Variants in CD101 observed in about 807,000 individuals in gnomAD.
CD101 encodes the protein CD101 molecule.
A neutral mutation model predicts 98.2 loss-of-function variants in CD101; 76 were observed. The observed-to-expected ratio is 0.77, with a 90% CI of 0.64 to 0.94. The LOEUF (loss-of-function observed/expected upper bound fraction) is 0.94. Among genes scored for constraint, CD101 ranks in the 40% least tolerant of loss-of-function variants. The pLI is 0.00. For synonymous variants in CD101, 471 were observed against 472.7 expected (o/e 1.00, Z 0.05); for missense variants, 1,145 against 1,218.8 (o/e 0.94, Z 0.90).
chr1:117,011,834 G>C lies in CD101; in HGVS notation c.709G>C (p.Glu237Gln), dbSNP rs968435234. 6.2e-7 allele frequency: 1 copy of C among 1,614,138 alleles called. No homozygotes were observed. Among genetic ancestry groups the C allele is most frequent in the Non-Finnish European group, 8.5e-7 (1 of 1,180,030 alleles). The change falls in exon 3 of 10, where the codon GAG (glutamate) becomes CAG (glutamine). Residue 237 changes from glutamate to glutamine, a missense_variant. Transcript: ENST00000682167. The stretch of plus-strand genomic sequence containing the variant: ...ACCCACTACATTCAGGCTGTCCATA[G>C]AGAGGCTCCAGTCCTCAGATCAGGG... ...LGPTTFRLSIERLQSSDQGQL... is the reference protein window; with the variant it reads ...LGPTTFRLSIQRLQSSDQGQL...
chr1:117,013,422 C>A lies in CD101; in HGVS notation c.858C>A (p.Val286=). 1 of 1,605,556 alleles carries A rather than the reference C, an allele frequency of 6.2e-7. No homozygotes were observed. Among genetic ancestry groups the A allele is most frequent in the South Asian group, 1.1e-5 (1 of 90,388 alleles). ...GTTTCCCAGTGAAAGATTTTCAAGT[C>A]AACATTACAGCTGACAGCTTGTTTG... ...RIQPAVKDFQ[V]NITADSLFAE... is the part of the protein sequence containing the mutation. The change falls in exon 4 of 10, where the codon GTC becomes GTA. Residue 286 remains valine (V), a synonymous_variant. Coordinates refer to ENST00000682167, the MANE Select transcript of CD101 (RefSeq NM_001256106.3).
rs1652976246 is a variant in CD101, at chr1:117,012,943, T to C, written c.842-463T>C. 6.6e-6 allele frequency among the ~76,000 whole-genome samples: 1 copy of C among 152,212 alleles called. No individual in the cohort carries two copies. The highest frequency in any genetic ancestry group is 6.5e-5 in the Admixed American group (1 of 15,276). On this transcript the variant is annotated intron_variant, in intron 3 of 9. Coordinates refer to ENST00000682167, the MANE Select transcript of CD101 (RefSeq NM_001256106.3). This position sits in a 1 kb window ranked among gnomAD's most constrained non-coding sequence, Gnocchi z 4.0. ...GTCCTGTTGGCCTCAAGTATCCAAG[T>C]TATACTCATGAGTCCTATGGAGCGA...
In CD101 at chr1:117,025,888, C is replaced by A. The variant is rs138020050; in HGVS notation, c.2808C>A (p.Leu936=). 8.1e-4 allele frequency: 1,305 copies of A among 1,609,742 alleles called. 9 individuals are homozygous for A. Among genetic ancestry groups the A allele is most frequent in the South Asian group, 6.5e-3 (589 of 90,814 alleles). ...QASDESQRMV[L]TVLPSEPTLP... ...CCGATGAGTCACAGCGGATGGTGCTCACGGTGCTGCCTTCAGGTAACCAGG... is the reference window on the plus strand; with the variant it reads ...CCGATGAGTCACAGCGGATGGTGCTAACGGTGCTGCCTTCAGGTAACCAGG... The change falls in exon 8 of 10, where the codon CTC becomes CTA. Residue 936 remains leucine (L), a synonymous_variant. Coordinates refer to ENST00000682167, the MANE Select transcript of CD101 (RefSeq NM_001256106.3).
At chr1:117,003,818 G>A (rs1652381277) in intron 1 of CD101, among the ~76,000 whole-genome samples, 2 of 152,172 alleles carry the variant, frequency 1.3e-5, no homozygotes, top group Admixed American at 1.3e-4. Flanking sequence ...TTGTGTAGAA[G>A]CACAGTTTTT....
rs1469988502 is a variant in CD101, at chr1:117,022,735, A to AG, written c.2428+752_2428+753insG. ...ATTTTCAAGGTAACGCTAAAAAAAAATTAGATGATAATTGAGCATTACTAT... is the reference window on the plus strand; with the variant it reads ...ATTTTCAAGGTAACGCTAAAAAAAAAGTTAGATGATAATTGAGCATTACTAT... On this transcript the variant is annotated intron_variant, in intron 7 of 9. Coordinates refer to ENST00000682167, the MANE Select transcript of CD101 (RefSeq NM_001256106.3). The surrounding 1 kb of genome is among the most constrained non-coding windows in gnomAD (Gnocchi z 4.8). 6.6e-6 allele frequency among the ~76,000 whole-genome samples: 1 copy of AG among 152,236 alleles called. No individual in the cohort carries two copies. Among genetic ancestry groups the AG allele is most frequent in the Admixed American group, 6.5e-5 (1 of 15,284 alleles).
chr1:117,006,210 C>G lies in CD101; in HGVS notation c.44-3640C>G, dbSNP rs1652519036. ...TCTCGCCATTTAACCCTGCTACTCC[C>G]AAGCATCCAACGCACTGAAAACTAC... On this transcript the variant is annotated intron_variant, in intron 1 of 9. Transcript: ENST00000682167. This position sits in a 1 kb window ranked among gnomAD's most constrained non-coding sequence, Gnocchi z 4.4. Among the ~76,000 whole-genome samples the G allele has an allele frequency of 6.6e-6, 1 of 152,110 alleles. No homozygotes were observed. The highest frequency in any genetic ancestry group is 1.5e-5 in the Non-Finnish European group (1 of 68,026).
chr1:117,009,273 A>G (rs1311213017), intron 1 of CD101, among the ~76,000 whole-genome samples: 1 of 152,232 alleles, frequency 6.6e-6, no homozygotes, highest in Non-Finnish European at 1.5e-5. Context: ...CAAAACCAAA[A>G]AAACCTCCAC....
chr1:117,010,313 C>T lies in CD101; in HGVS notation c.424+83C>T, dbSNP rs1652813836. 2 of 1,422,478 alleles carry T rather than the reference C, an allele frequency of 1.4e-6. No homozygotes were observed. Among genetic ancestry groups the T allele is most frequent in the Non-Finnish European group, 1.9e-6 (2 of 1,048,596 alleles). The allele number at this position is 1,422,478 out of a possible 1,614,324, so 88.1% of individuals were successfully genotyped here. The stretch of plus-strand genomic sequence containing the variant: ...GACAATATCTTGCAATATGACATGG[C>T]TTTATATTGTTCCATTTTCTTTGGG... On this transcript the variant is annotated intron_variant, in intron 2 of 9. Transcript: ENST00000682167. The surrounding 1 kb of genome is among the most constrained non-coding windows in gnomAD (Gnocchi z 5.2).
At position 117,005,591 on chromosome 1, in the gene CD101, A is replaced by G. The variant is rs1426187057; in HGVS notation, c.43+3731A>G. Reference sequence around the variant, plus strand: ...CCCTCCATCTAACTCTTCCCTCTGTAAGTTTTGTTCCTTATCCCATCCCCT... The same window carrying G: ...CCCTCCATCTAACTCTTCCCTCTGTGAGTTTTGTTCCTTATCCCATCCCCT... On this transcript the variant is annotated intron_variant, in intron 1 of 9. Transcript: ENST00000682167. This position sits in a 1 kb window ranked among gnomAD's most constrained non-coding sequence, Gnocchi z 4.4. Among the ~76,000 whole-genome samples the G allele has an allele frequency of 6.6e-6, 1 of 152,010 alleles. No individual in the cohort carries two copies. Among genetic ancestry groups the G allele is most frequent in the Non-Finnish European group, 1.5e-5 (1 of 68,012 alleles).
intron 4 of CD101, among the ~76,000 whole-genome samples, chr1:117,014,909 G>T (rs888771194): frequency 6.6e-6 from 1 of 152,178 alleles, no homozygotes; most frequent in African/African-American, 2.4e-5. Context: ...TAGAATTAAG[G>T]AAAAACAATA....
At chr1:117,034,267 C>T in intron 9 of CD101, 133 bp downstream of exon 9, 1 of 757,892 alleles carries the variant, frequency 1.3e-6, no homozygotes. Flanking sequence ...GTTCTACGCA[C>T]TGTTAGGTGT....
At chr1:117,009,745 G>T (rs772967432) in intron 1 of CD101, 105 bp from the exon 2 acceptor site, 1 of 1,219,930 alleles carries the variant, frequency 8.2e-7, no homozygotes, top group Non-Finnish European at 1.1e-6. Context: ...AATAACTTGC[G>T]ATCTCATTTA....
chr1:117,007,412 A>G (rs1489101601), intron 1 of CD101, among the ~76,000 whole-genome samples: 4 of 151,846 alleles, frequency 2.6e-5, no homozygotes, highest in East Asian at 1.9e-4. Context: ...CAGTGACGCA[A>G]TCTCGGCTCA....
In CD101 at chr1:117,018,264, C is replaced by T; in HGVS notation, c.1721C>T (p.Pro574Leu). ...GCCGGTTACTCTGACCTCAAGGTGC[C>T]ACTCACTGTGACGTGGCAGTTCCAG... Reference protein sequence around the residue: ...VRAGYSDLKVPLTVTWQFQPA... With the variant: ...VRAGYSDLKVLLTVTWQFQPA... Residue 574 changes from proline to leucine, a missense_variant, in exon 6 of 10, where the codon CCA becomes CTA. Transcript: ENST00000682167. The surrounding 1 kb of genome is among the most constrained non-coding windows in gnomAD (Gnocchi z 4.3). The T allele has an allele frequency of 6.2e-7, 1 of 1,614,196 alleles. No individual in the cohort carries two copies. Among genetic ancestry groups the T allele is most frequent in the South Asian group, 1.1e-5 (1 of 91,080 alleles).
In CD101 at chr1:117,001,828, T is replaced by C; in HGVS notation, c.11T>C (p.Ile4Thr). The change falls in exon 1 of 10, where the codon ATC becomes ACC. Residue 4 changes from isoleucine (I) to threonine (T), a missense_variant. Transcript: ENST00000682167. MAG[I>T]SYVASFFLLL... is the part of the protein sequence containing the mutation. ...ACTGTGCTGGCCCAAATGGCAGGCA[T>C]CTCATATGTGGCATCTTTCTTTCTC... 6.2e-7 allele frequency: 1 copy of C among 1,614,166 alleles called. No homozygotes were observed. Among genetic ancestry groups the C allele is most frequent in the Non-Finnish European group, 8.5e-7 (1 of 1,179,986 alleles).
In CD101 at chr1:117,006,025, T is replaced by C. The variant is rs1652506167; in HGVS notation, c.44-3825T>C. The stretch of plus-strand genomic sequence containing the variant: ...TATCCTTCCTGTCTATTCCATGGTC[T>C]TCAAATTTAGTATTTCTAAAATTAA... On this transcript the variant is annotated intron_variant, in intron 1 of 9. Coordinates refer to ENST00000682167, the MANE Select transcript of CD101 (RefSeq NM_001256106.3). This position sits in a 1 kb window ranked among gnomAD's most constrained non-coding sequence, Gnocchi z 4.4. 6.6e-6 allele frequency among the ~76,000 whole-genome samples: 1 copy of C among 152,318 alleles called. No individual in the cohort carries two copies.
intron 4 of CD101, among the ~76,000 whole-genome samples, chr1:117,016,400 G>T (rs948043457): frequency 6.6e-6 from 1 of 151,734 alleles, no homozygotes; most frequent in Non-Finnish European, 1.5e-5. Flanking sequence ...CTGAAGGTCC[G>T]AATTCTAAAA....
Position 117,012,727 on chromosome 1 carries a change from C to CT in CD101, c.842-675dup, listed in dbSNP as rs1365055639. On this transcript the variant is annotated intron_variant, in intron 3 of 9. Coordinates refer to ENST00000682167, the MANE Select transcript of CD101 (RefSeq NM_001256106.3). This position sits in a 1 kb window ranked among gnomAD's most constrained non-coding sequence, Gnocchi z 4.0. ...CCAGCCTGCTGTTACTTTTCATAATCTTTTGGCATTTTTGTCAAAGCAAGT... is the reference window on the plus strand; with the variant it reads ...CCAGCCTGCTGTTACTTTTCATAATCTTTTTGGCATTTTTGTCAAAGCAAGT... Among the ~76,000 whole-genome samples the CT allele has an allele frequency of 6.6e-6, 1 of 152,164 alleles. No homozygotes were observed. The highest frequency in any genetic ancestry group is 1.5e-5 in the Non-Finnish European group (1 of 68,026).
At chr1:117,026,173 A>C (rs1653911933) in intron 8 of CD101, 4 of 345,866 alleles carry the variant, frequency 1.2e-5, no homozygotes, top group African/African-American at 6.2e-5. Context: ...TTCAGGGAGA[A>C]GGTGGGAGGT....
Sources: allele counts gnomAD v4.1 joint callset (sites outside exome capture counted in the v4.1 genomes callset), GRCh38; gene constraint gnomAD v4.1.1; non-coding constraint Gnocchi (gnomAD v3.1); transcripts MANE v1.5; gene names NCBI Gene and HGNC (gene_info 2026-07-23, HGNC 2026-07-21).